The following KCNT2 variants were observed in gnomAD, a reference collection of about 807,000 sequenced individuals.
KCNT2 encodes potassium sodium-activated channel subfamily T member 2, also known as potassium channel subfamily T member 2.
Under a neutral mutation model 153.8 loss-of-function variants are expected in KCNT2, and 67 were observed. That is an observed-to-expected ratio of 0.44 (90% CI 0.36 to 0.53). The LOEUF is 0.53. KCNT2 is among the 20% of genes least tolerant of loss of function. The pLI is 0.00. For synonymous variants in KCNT2, 500 were observed against 458.8 expected, an observed-to-expected ratio of 1.09 and a Z score of -1.15; for missense variants, 975 against 1,354.8, an observed-to-expected ratio of 0.72 and a Z score of 4.40.
At chr1:196,591,081 C>T (rs977986768) in intron 1 of KCNT2, among the ~76,000 whole-genome samples, 9 of 152,044 alleles carry the variant, frequency 5.9e-5, no homozygotes, top group Admixed American at 3.9e-4. Context: ...GAATGATCCC[C>T]AATGTTGGAG....
chr1:196,536,142 A>G (rs998342196), intron 1 of KCNT2, among the ~76,000 whole-genome samples: 1 of 152,192 alleles, frequency 6.6e-6, no homozygotes, highest in South Asian at 2.1e-4. Context: ...TGCTTTATAC[A>G]TTAAGTCAGG....
intron 10 of KCNT2, among the ~76,000 whole-genome samples, chr1:196,427,872 T>C (rs181678887): frequency 6.6e-6 from 1 of 152,236 alleles, no homozygotes; most frequent in East Asian, 1.9e-4. Context: ...GCATTAACAT[T>C]ATTCCATCTG....
At chr1:196,272,644 C>T (rs1261127765) in intron 25 of KCNT2, among the ~76,000 whole-genome samples, 1 of 151,882 alleles carries the variant, frequency 6.6e-6, no homozygotes, top group African/African-American at 2.4e-5. Context: ...GTTGAAACCA[C>T]AGGAAGCGAT....
intron 8 of KCNT2, among the ~76,000 whole-genome samples, chr1:196,454,825 G>T (rs1010785598): frequency 2.0e-5 from 3 of 151,920 alleles, no homozygotes; most frequent in African/African-American, 7.2e-5. Flanking sequence ...CAGAAGTCTA[G>T]GTAGGCTCAG....
intron 1 of KCNT2, among the ~76,000 whole-genome samples, chr1:196,503,931 A>G (rs1245349543): frequency 2.0e-5 from 3 of 152,196 alleles, no homozygotes; most frequent in South Asian, 2.1e-4. Flanking sequence ...TTCTCTTAGT[A>G]TGTAATGCAC....
At chr1:196,589,641 T>C (rs1343316146) in intron 1 of KCNT2, among the ~76,000 whole-genome samples, 1 of 152,066 alleles carries the variant, frequency 6.6e-6, no homozygotes, top group Non-Finnish European at 1.5e-5. Context: ...AACATGAGTA[T>C]GTGTATTTGT....
At position 196,398,040 on chromosome 1, in the gene KCNT2, A is replaced by G. The variant is rs1671095162; in HGVS notation, c.1294+523T>C. ...AATCTCATGTGATCTGTCATTTTTA[A>G]AGCAGTACCTTCAAAAAAGTTCACA... On this transcript the variant is annotated intron_variant, in intron 13 of 27. Transcript: ENST00000294725. Among the ~76,000 whole-genome samples, 2 of 151,472 alleles carry G rather than the reference A, an allele frequency of 1.3e-5. 1 individual carries two copies. The highest frequency in any genetic ancestry group is 1.3e-4 in the Admixed American group (2 of 15,148).
At chr1:196,584,594 C>G (rs1662449008) in intron 1 of KCNT2, among the ~76,000 whole-genome samples, 1 of 151,926 alleles carries the variant, frequency 6.6e-6, no homozygotes, top group Non-Finnish European at 1.5e-5. Context: ...GAGGATGAGA[C>G]AGAAAGAGTA....
intron 25 of KCNT2, among the ~76,000 whole-genome samples, chr1:196,276,408 T>C (rs1405803672): frequency 1.3e-5 from 2 of 152,074 alleles, no homozygotes; most frequent in Non-Finnish European, 2.9e-5. Context: ...CATCCTGAAC[T>C]CTTTGGCAAC....
In KCNT2 at chr1:196,465,280, T is replaced by G; in HGVS notation, c.638+13A>C. 1 of 1,315,146 alleles carries G rather than the reference T, an allele frequency of 7.6e-7. No homozygotes were observed. The highest frequency in any genetic ancestry group is 2.3e-5 in the East Asian group (1 of 43,276). The allele number at this position is 1,315,146 out of a possible 1,614,324, so 81.5% of individuals were successfully genotyped here. On this transcript the variant is annotated intron_variant, in intron 8 of 27. Transcript: ENST00000294725. ...ATGAAACATAACACAAATTCTGATA[T>G]GTACAATCTTACCAGGTGAAGATAA...
In KCNT2 at chr1:196,258,265, G is replaced by A. The variant is rs1656690003; in HGVS notation, c.3140C>T (p.Ser1047Leu). The A allele has an allele frequency of 6.2e-7, 1 of 1,613,904 alleles. No homozygotes were observed. Among genetic ancestry groups the A allele is most frequent in the Non-Finnish European group, 8.5e-7 (1 of 1,179,964 alleles). Reference sequence around the variant, plus strand: ...AAGTTCAGCAAGCTCTTGTCTTTCTGACCTCCTGTAGAGGTTCAGTCGCTG... The same window carrying A: ...AAGTTCAGCAAGCTCTTGTCTTTCTAACCTCCTGTAGAGGTTCAGTCGCTG... The part of the protein sequence containing the change: ...TQQRLNLYRR[S>L]ERQELAELVK... Residue 1047 changes from serine to leucine, a missense_variant, in exon 26 of 28, where the codon TCA becomes TTA. By Grantham distance (145) the Ser-to-Leu change is moderately radical. This residue lies in a region of KCNT2 where 241 missense variants were observed against 271.1 expected (regional missense o/e 0.89). Transcript: ENST00000294725.
intron 22 of KCNT2, among the ~76,000 whole-genome samples, chr1:196,302,928 T>A (rs1428433475): frequency 1.3e-5 from 2 of 151,958 alleles, no homozygotes; most frequent in Non-Finnish European, 2.9e-5. Context: ...TTCCTATCCC[T>A]GAATAATTTG....
At chr1:196,243,652 T>TCTAGCCAGAGAAGAACTGC (rs1421859331) in intron 26 of KCNT2, among the ~76,000 whole-genome samples, 96 of 152,272 alleles carry the variant, frequency 6.3e-4, no homozygotes, top group African/African-American at 2.3e-3. Flanking sequence ...TTAGACAAGT[T>TCTAGCCAGAGAAGAACTGC]CTAGCCAGAG....
intron 1 of KCNT2, among the ~76,000 whole-genome samples, chr1:196,593,927 A>G (rs2149009858): frequency 6.6e-6 from 1 of 152,186 alleles, no homozygotes; most frequent in Non-Finnish European, 1.5e-5. Context: ...AACAGACCCT[A>G]AACTATTATA....
chr1:196,402,117 G>C (rs1671464589), intron 12 of KCNT2, among the ~76,000 whole-genome samples: 1 of 151,296 alleles, frequency 6.6e-6, no homozygotes, highest in African/African-American at 2.4e-5. Flanking sequence ...ATAAAGAAAT[G>C]TACTTTCCTT....
chr1:196,471,108 C>T (rs551103748), intron 5 of KCNT2, among the ~76,000 whole-genome samples: 1 of 151,584 alleles, frequency 6.6e-6, no homozygotes, highest in South Asian at 2.1e-4. Flanking sequence ...GGGGTTTCAC[C>T]GTGTTAGCCA....
intron 8 of KCNT2, among the ~76,000 whole-genome samples, chr1:196,449,975 A>C (rs2148615507): frequency 6.6e-6 from 1 of 151,934 alleles, no homozygotes; most frequent in Non-Finnish European, 1.5e-5. Context: ...TATGGTTTAA[A>C]ATAGACAACC....
intron 12 of KCNT2, among the ~76,000 whole-genome samples, chr1:196,422,115 T>G (rs1445581177): frequency 6.6e-6 from 1 of 151,960 alleles, no homozygotes; most frequent in Non-Finnish European, 1.5e-5. Flanking sequence ...CCACTCCAAA[T>G]GAAAGATGAG....
At chr1:196,320,813 T>C (rs1180818773) in intron 19 of KCNT2, among the ~76,000 whole-genome samples, 2 of 151,860 alleles carry the variant, frequency 1.3e-5, no homozygotes, top group Non-Finnish European at 2.9e-5. Flanking sequence ...CCCAATAGTA[T>C]TACATCTTAC....
Sources: allele counts gnomAD v4.1 joint callset (sites outside exome capture counted in the v4.1 genomes callset), GRCh38; gene constraint gnomAD v4.1.1; regional missense constraint gnomAD v4.1.1; transcripts MANE v1.5; gene names NCBI Gene and HGNC (gene_info 2026-07-23, HGNC 2026-07-21).